The following B9D1 variants were observed in gnomAD, a reference collection of about 807,000 sequenced individuals.
The protein encoded by B9D1 is B9 domain-containing protein 1.
B9D1 carries 20 observed loss-of-function variants against 26.1 expected under a neutral mutation model. That is an observed-to-expected ratio of 0.77 (90% CI 0.54 to 1.12). The LOEUF is 1.12. Ranked by LOEUF, B9D1 falls within the 50% of genes most tolerant of loss-of-function variation. The pLI is 0.00. For missense variants in B9D1, 260 were observed against 273.7 expected, an observed-to-expected ratio of 0.95 and a Z score of 0.35; for synonymous variants, 105 against 103.1, an observed-to-expected ratio of 1.02 and a Z score of -0.11.
chr17:19,359,897 G>T lies in B9D1; in HGVS notation c.132+423C>A, dbSNP rs1427193687. On this transcript the variant is annotated intron_variant, in intron 2 of 6. Coordinates refer to ENST00000261499, the MANE Select transcript of B9D1 (RefSeq NM_015681.6). This position sits in a 1 kb window ranked among gnomAD's most constrained non-coding sequence, Gnocchi z 5.0. ...AGTTGTCACCACAGTCCCTCACCTGGTGGAGGCAAGCTACCCCTTGGGAAG... is the reference window on the plus strand; with the variant it reads ...AGTTGTCACCACAGTCCCTCACCTGTTGGAGGCAAGCTACCCCTTGGGAAG... Among the ~76,000 whole-genome samples the T allele has an allele frequency of 3.3e-5, 5 of 152,214 alleles. No individual in the cohort carries two copies. The highest frequency in any genetic ancestry group is 7.3e-5 in the Non-Finnish European group (5 of 68,030).
At chr17:19,360,561 C>T (rs1197445670) in intron 1 of B9D1, among the ~76,000 whole-genome samples, 173 bp from the exon 2 acceptor site, 4 of 152,170 alleles carry the variant, frequency 2.6e-5, no homozygotes, top group Admixed American at 1.3e-4. Context: ...CGGGAGTCCA[C>T]GGGAGACTCC....
chr17:19,361,914 G>A (rs1344227834), intron 1 of B9D1, among the ~76,000 whole-genome samples: 1 of 152,182 alleles, frequency 6.6e-6, no homozygotes, highest in South Asian at 2.1e-4. Context: ...TGTAAGGGTG[G>A]ACCAGTGCGG....
downstream of B9D1, chr17:19,335,625 G>A: frequency 1.8e-6 from 1 of 570,434 alleles, no homozygotes; most frequent in Non-Finnish European, 2.8e-6. Context: ...AGGGGTGGGG[G>A]GCTAAGGGAC....
intron 1 of B9D1, among the ~76,000 whole-genome samples, 187 bp from the exon 2 acceptor site, chr17:19,360,575 G>A (rs1910921487): frequency 1.3e-5 from 2 of 152,154 alleles, no homozygotes; most frequent in South Asian, 4.1e-4. Flanking sequence ...AGACTCCCAG[G>A]TGCCACGGCC....
intron 1 of B9D1, among the ~76,000 whole-genome samples, chr17:19,361,198 A>C (rs6587071): frequency 0.96 from 145,998 of 152,064 alleles, 70,486 homozygotes; most frequent in African/African-American, 0.99. Flanking sequence ...CACTGATTCT[A>C]CATTATGGTG....
At chr17:19,338,251 G>A (rs2152245722), downstream of B9D1, among the ~76,000 whole-genome samples, 1 of 152,372 alleles carries the variant, frequency 6.6e-6, no homozygotes, top group Non-Finnish European at 1.5e-5. Context: ...AGGAGGGAAA[G>A]GACCTGATGG....
At chr17:19,339,565 CAATAG>C (rs1354314002), downstream of B9D1, among the ~76,000 whole-genome samples, 2 of 152,154 alleles carry the variant, frequency 1.3e-5, no homozygotes, top group Non-Finnish European at 1.5e-5. Context: ...ATATCATTTG[CAATAG>C]AATAGGCTAT....
chr17:19,346,998 T>C, intron 5 of B9D1: 8 of 1,538,014 alleles, frequency 5.2e-6, no homozygotes, highest in Non-Finnish European at 7.0e-6. Flanking sequence ...TGAGCATTTT[T>C]CCCATCTGAC....
chr17:19,362,713 G>C lies in B9D1; in HGVS notation c.-144C>G, dbSNP rs537793101. On this transcript the variant is annotated 5_prime_UTR_variant, in exon 1 of 7. Transcript: ENST00000261499. The stretch of plus-strand genomic sequence containing the variant: ...CTTCGCGAAGGCCACGCGAGTGCGC[G>C]TGTGGCATGCGCAGGCGCAGTGAAC... 2 of 1,525,736 alleles carry C rather than the reference G, an allele frequency of 1.3e-6. No individual in the cohort carries two copies. Among genetic ancestry groups the C allele is most frequent in the Admixed American group, 2.0e-5 (1 of 50,578 alleles). 94.5% of individuals were successfully genotyped at this position (1,525,736 alleles called of 1,614,324 possible). A position where few individuals can be genotyped will look rare whatever the true frequency, so the allele number is the denominator to read the frequency against.
Position 19,343,271 on chromosome 17 carries a change from C to T in B9D1, c.*48G>A, listed in dbSNP as rs779157234. ...CAGGCCGATGGGCAGCGGCTGACTT[C>T]GGGAAGGCAGCCCTTCATTATCAGA... is the stretch of plus-strand genomic sequence containing the variant. On this transcript the variant is annotated 3_prime_UTR_variant, in exon 7 of 7. Coordinates refer to ENST00000261499, the MANE Select transcript of B9D1 (RefSeq NM_015681.6). 8.1e-6 allele frequency: 13 copies of T among 1,612,732 alleles called. No homozygotes were observed. Among genetic ancestry groups the T allele is most frequent in the South Asian group, 3.3e-5 (3 of 90,974 alleles).
chr17:19,347,476 T>G lies in B9D1; in HGVS notation c.342-145A>C. The G allele has an allele frequency of 9.9e-7, 1 of 1,010,594 alleles. No homozygotes were observed. Among genetic ancestry groups the G allele is most frequent in the South Asian group, 1.4e-5 (1 of 73,278 alleles). The allele number at this position is 1,010,594 out of a possible 1,614,324, so 62.6% of individuals were successfully genotyped here. ...GTCAACGAATCCAACCTGTGCTAAC[T>G]GAGCACCCCCTGTGTCTGGGCAAGG... On this transcript the variant is annotated intron_variant, in intron 4 of 6. Transcript: ENST00000261499. The surrounding 1 kb of genome is among the most constrained non-coding windows in gnomAD (Gnocchi z 4.3).
At chr17:19,360,793 C>T (rs763211845) in intron 1 of B9D1, among the ~76,000 whole-genome samples, 7 of 152,176 alleles carry the variant, frequency 4.6e-5, no homozygotes. Flanking sequence ...TCCTCTAGAC[C>T]ATGAGTAGAG....
At position 19,359,653 on chromosome 17, in the gene B9D1, C is replaced by T. The variant is rs1342430998; in HGVS notation, c.132+667G>A. Reference sequence around the variant, plus strand: ...TATCTGACCCCCCAGCAAGAACGTGCGCTCCGGGAAGGCAGGGTCTTCTGG... The same window carrying T: ...TATCTGACCCCCCAGCAAGAACGTGTGCTCCGGGAAGGCAGGGTCTTCTGG... On this transcript the variant is annotated intron_variant, in intron 2 of 6. Coordinates refer to ENST00000261499, the MANE Select transcript of B9D1 (RefSeq NM_015681.6). The surrounding 1 kb of genome is among the most constrained non-coding windows in gnomAD (Gnocchi z 5.0). Among the ~76,000 whole-genome samples the T allele has an allele frequency of 1.3e-5, 2 of 152,154 alleles. No individual in the cohort carries two copies. The highest frequency in any genetic ancestry group is 2.4e-5 in the African/African-American group (1 of 41,436).
In B9D1 at chr17:19,370,130, C is replaced by T. The variant is rs767044261; in HGVS notation, c.-298+7729G>A. ...TACTTCACCGACGGCCACCTCCCAT[C>T]GCCCTTTCATTCTTCATGGGCAGGG... is the stretch of plus-strand genomic sequence containing the variant. On this transcript the variant is annotated intron_variant, in intron 1 of 5. Coordinates refer to the B9D1 transcript ENST00000477478. The surrounding 1 kb of genome is among the most constrained non-coding windows in gnomAD (Gnocchi z 5.1). Among the ~76,000 whole-genome samples, 5 of 152,268 alleles carry T rather than the reference C, an allele frequency of 3.3e-5. No individual in the cohort carries two copies. Among genetic ancestry groups the T allele is most frequent in the Non-Finnish European group, 4.4e-5 (3 of 68,054 alleles).
At position 19,357,880 on chromosome 17, in the gene B9D1, G is replaced by A. The variant is rs1006221533; in HGVS notation, c.204C>T (p.Phe68=). ...QDVRQALVWN[F]PIDVTFKSTN... is the part of the protein sequence containing the mutation. The stretch of plus-strand genomic sequence containing the variant: ...TGCTTTTAAAGGTGACATCAATGGG[G>A]AAGTTCCACACCAGTGCTTGCCGCA... Residue 68 remains phenylalanine, a synonymous_variant, in exon 3 of 7, where the codon TTC becomes TTT. Coordinates refer to ENST00000261499, the MANE Select transcript of B9D1 (RefSeq NM_015681.6). The A allele has an allele frequency of 1.9e-6, 3 of 1,613,986 alleles. No individual in the cohort carries two copies. Among genetic ancestry groups the A allele is most frequent in the Admixed American group, 1.7e-5 (1 of 60,002 alleles).
At chr17:19,337,472 T>A (rs751385053), downstream of B9D1, 2 of 483,066 alleles carry the variant, frequency 4.1e-6, no homozygotes, top group African/African-American at 3.9e-5. Context: ...CTCTGCTCTC[T>A]GTGCAAGTGC....
At chr17:19,342,578 A>G (rs530044125), downstream of B9D1, among the ~76,000 whole-genome samples, 39 of 152,104 alleles carry the variant, frequency 2.6e-4, no homozygotes, top group African/African-American at 7.5e-4. Context: ...AGGGCCTCCC[A>G]AAGTAATGCT....
At position 19,347,421 on chromosome 17, in the gene B9D1, A is replaced by C. The variant is rs1185865888; in HGVS notation, c.342-90T>G. On this transcript the variant is annotated intron_variant, in intron 4 of 6. Coordinates refer to ENST00000261499, the MANE Select transcript of B9D1 (RefSeq NM_015681.6). The surrounding 1 kb of genome is among the most constrained non-coding windows in gnomAD (Gnocchi z 4.3). ...AGAAACCCTCAGATCAGGCCAGTGCAGCTGCAGCGTGGGCCAAGTCAGGGC... is the reference window on the plus strand; with the variant it reads ...AGAAACCCTCAGATCAGGCCAGTGCCGCTGCAGCGTGGGCCAAGTCAGGGC... The C allele has an allele frequency of 6.7e-7, 1 of 1,493,352 alleles. No homozygotes were observed. The highest frequency in any genetic ancestry group is 9.3e-7 in the Non-Finnish European group (1 of 1,075,868). The allele number at this position is 1,493,352 out of a possible 1,614,324, so 92.5% of individuals were successfully genotyped here. A position where few individuals can be genotyped will look rare whatever the true frequency, so the allele number is the denominator to read the frequency against.
intron 1 of B9D1, among the ~76,000 whole-genome samples, chr17:19,368,186 C>T (rs904176696): frequency 6.6e-6 from 1 of 152,196 alleles, no homozygotes; most frequent in Admixed American, 6.5e-5. Flanking sequence ...GCAGTGTGAG[C>T]CCAGGCCAGT....
Sources: gnomAD v4.1 joint callset for allele counts (sites outside exome capture counted in the v4.1 genomes callset) on GRCh38, gnomAD v4.1.1 for gene constraint, Gnocchi (gnomAD v3.1) non-coding constraint, MANE v1.5 for transcripts, NCBI Gene and HGNC (gene_info 2026-07-23, HGNC 2026-07-21) for gene names.